The following DENND1A variants were observed in gnomAD, a reference collection of about 807,000 sequenced individuals.
DENND1A encodes DENN domain-containing protein 1A.
In DENND1A, 51 loss-of-function variants were observed where a neutral mutation model predicts 113.7. That is an observed-to-expected ratio of 0.45 (90% confidence interval 0.36 to 0.57). The LOEUF (loss-of-function observed/expected upper bound fraction) is 0.57, where lower values mean the gene tolerates loss of function less well. Ranked by LOEUF, DENND1A falls within the 20% of genes least tolerant of loss-of-function variation. The pLI, the probability that DENND1A is intolerant of heterozygous loss-of-function variation, is 0.00. For synonymous variants in DENND1A, 565 were observed against 570.8 expected (o/e 0.99, Z 0.14); for missense variants, 1,258 against 1,395.9 (o/e 0.90, Z 1.57).
intron 11 of DENND1A, among the ~76,000 whole-genome samples, chr9:123,606,306 T>C (rs898352812): frequency 7.2e-5 from 11 of 152,148 alleles, no homozygotes; most frequent in African/African-American, 2.7e-4. Flanking sequence ...ACAACTCCCA[T>C]TTTTGTTTTT....
chr9:123,739,780 G>C (rs1220221524), intron 5 of DENND1A, among the ~76,000 whole-genome samples: 1 of 152,140 alleles, frequency 6.6e-6, no homozygotes, highest in African/African-American at 2.4e-5. Context: ...TAGAAAAAAA[G>C]ATGACATACT....
At chr9:123,498,952 A>T (rs984477321) in intron 13 of DENND1A, among the ~76,000 whole-genome samples, 16 of 151,444 alleles carry the variant, frequency 1.1e-4, no homozygotes, top group Non-Finnish European at 2.1e-4. Context: ...TGAACTCCTG[A>T]CCTCAAGTGA....
At chr9:123,841,710 T>G (rs7862092) in intron 2 of DENND1A, among the ~76,000 whole-genome samples, 16,597 of 151,918 alleles carry the variant, frequency 0.11, 1,210 homozygotes, top group African/African-American at 0.21. Context: ...TGGTGCAGGG[T>G]GGGTGGGGGA....
In DENND1A at chr9:123,590,912, G is replaced by A. The variant is rs143980387; in HGVS notation, c.766-7642C>T. 2.5e-3 allele frequency among the ~76,000 whole-genome samples: 386 copies of A among 152,240 alleles called. 1 individual carries two copies. Among genetic ancestry groups the A allele is most frequent in the African/African-American group, 8.9e-3 (368 of 41,530 alleles). ...GCGAACAATGGTGAATGAATGCCAC[G>A]CTACAAGGTGACTCTCCCCAGGGCC... On this transcript the variant is annotated intron_variant, in intron 11 of 23. Coordinates refer to ENST00000394215, the MANE Select transcript of DENND1A (RefSeq NM_001352964.2).
chr9:123,649,114 C>T (rs139318302), intron 9 of DENND1A, among the ~76,000 whole-genome samples: 85 of 152,210 alleles, frequency 5.6e-4, no homozygotes, highest in African/African-American at 1.9e-3. Flanking sequence ...TTAGAATTAG[C>T]TCGTCAGGTA....
At chr9:123,489,589 G>GTTGTT (rs2051193008) in intron 13 of DENND1A, among the ~76,000 whole-genome samples, 1 of 152,210 alleles carries the variant, frequency 6.6e-6, no homozygotes, top group Non-Finnish European at 1.5e-5. Flanking sequence ...TCACATAAAA[G>GTTGTT]TCAAGTTTGG....
chr9:123,384,676 G>A (rs923170025), intron 22 of DENND1A, among the ~76,000 whole-genome samples: 2 of 152,136 alleles, frequency 1.3e-5, no homozygotes, highest in Admixed American at 1.3e-4. Flanking sequence ...GGCTGGGCAC[G>A]GTGGCTCACG....
At chr9:123,607,698 A>C (rs1406798918) in intron 11 of DENND1A, among the ~76,000 whole-genome samples, 1 of 150,616 alleles carries the variant, frequency 6.6e-6, no homozygotes, top group South Asian at 2.1e-4. Flanking sequence ...CCAGCATTAG[A>C]ACCCCAGCTG....
At position 123,769,680 on chromosome 9, in the gene DENND1A, A is replaced by G. The variant is rs1321940849; in HGVS notation, c.133-117T>C. Reference sequence around the variant, plus strand: ...AGAAAGAGGAGACAGATGAAGAAATATGGGCTTTATCAATTACATGGGAGG... The same window carrying G: ...AGAAAGAGGAGACAGATGAAGAAATGTGGGCTTTATCAATTACATGGGAGG... On this transcript the variant is annotated intron_variant, in intron 3 of 23. Coordinates refer to ENST00000394215, the MANE Select transcript of DENND1A (RefSeq NM_001352964.2). 15 of 749,762 alleles carry G rather than the reference A, an allele frequency of 2.0e-5. No homozygotes were observed. In the East Asian group the frequency reaches 4.1e-4, roughly 21 times the overall value. The allele number at this position is 749,762 out of a possible 1,614,324, so 46.4% of individuals were successfully genotyped here. A position where few individuals can be genotyped will look rare whatever the true frequency, so the allele number is the denominator to read the frequency against.
intron 12 of DENND1A, among the ~76,000 whole-genome samples, chr9:123,581,796 G>A (rs1233964994): frequency 6.6e-6 from 1 of 152,114 alleles, no homozygotes; most frequent in Non-Finnish European, 1.5e-5. Context: ...ACATGGCCAG[G>A]AACAACAACC....
At chr9:123,647,873 T>C (rs1304004061) in intron 9 of DENND1A, among the ~76,000 whole-genome samples, 2 of 152,188 alleles carry the variant, frequency 1.3e-5, no homozygotes, top group Admixed American at 1.3e-4. Context: ...TTTTTATACA[T>C]ATATCCTACC....
chr9:123,571,559 T>C (rs1229083839), intron 12 of DENND1A, among the ~76,000 whole-genome samples: 1 of 152,262 alleles, frequency 6.6e-6, no homozygotes, highest in East Asian at 1.9e-4. Flanking sequence ...AATCCTACAG[T>C]GCTGTGTGTC....
At chr9:123,475,378 C>T (rs57321703) in intron 13 of DENND1A, among the ~76,000 whole-genome samples, 8,995 of 152,256 alleles carry the variant, frequency 0.059, 822 homozygotes, top group African/African-American at 0.2. Context: ...ATCCGATAAA[C>T]GGTTATTATG....
chr9:123,724,791 A>G (rs1475005516), intron 5 of DENND1A, among the ~76,000 whole-genome samples: 1 of 152,242 alleles, frequency 6.6e-6, no homozygotes, highest in East Asian at 1.9e-4. Context: ...AAGAATAGCA[A>G]TTCTCAAACG....
At chr9:123,487,637 T>G (rs957931643) in intron 13 of DENND1A, among the ~76,000 whole-genome samples, 1 of 152,174 alleles carries the variant, frequency 6.6e-6, no homozygotes, top group Non-Finnish European at 1.5e-5. Flanking sequence ...GAGATCCCTT[T>G]GAATCTTTTC....
At chr9:123,567,259 T>TG (rs1489818956) in intron 12 of DENND1A, among the ~76,000 whole-genome samples, 1 of 152,228 alleles carries the variant, frequency 6.6e-6, no homozygotes, top group African/African-American at 2.4e-5. Context: ...AAGGTGCTCA[T>TG]GGAAATTCTT....
At position 123,382,391 on chromosome 9, in the gene DENND1A, T is replaced by C; in HGVS notation, c.2254A>G (p.Thr752Ala). ...LNPSDKEEVP[T>A]PTLGSITIPR... ...ATGGTGATGCTGCCCAGAGTAGGGG[T>C]GGGCACCTCCTCCTTGTCACTGGGG... The change falls in exon 24 of 24, where the codon ACC becomes GCC. Residue 752 changes from threonine (T) to alanine (A), a missense_variant. By Grantham distance (58) the Thr-to-Ala change is moderately conservative. Around this residue, in one of 2 missense-constraint regions of DENND1A, gnomAD observed 1,159 missense variants for 1,231.7 expected, o/e 0.94. Coordinates refer to ENST00000394215, the MANE Select transcript of DENND1A (RefSeq NM_001352964.2). The C allele has an allele frequency of 6.3e-7, 1 of 1,598,554 alleles. No homozygotes were observed. The highest frequency in any genetic ancestry group is 8.5e-7 in the Non-Finnish European group (1 of 1,172,362).
intron 19 of DENND1A, chr9:123,414,524 T>A: frequency 1.3e-6 from 2 of 1,548,690 alleles, no homozygotes; most frequent in Non-Finnish European, 1.7e-6. Context: ...AAAAGGAGGT[T>A]CCCCAGCCAG....
chr9:123,470,310 G>A (rs996799928), intron 13 of DENND1A, among the ~76,000 whole-genome samples: 3 of 151,628 alleles, frequency 2.0e-5, no homozygotes, highest in Non-Finnish European at 2.9e-5. Flanking sequence ...GAAACCAAAT[G>A]GGGGCCCACT....
Sources: allele counts gnomAD v4.1 joint callset (sites outside exome capture counted in the v4.1 genomes callset), GRCh38; gene constraint gnomAD v4.1.1; regional missense constraint gnomAD v4.1.1; transcripts MANE v1.5; gene names NCBI Gene and HGNC (gene_info 2026-07-23, HGNC 2026-07-21).